The following FAM135A variants were observed in gnomAD, a reference collection of about 807,000 sequenced individuals.
FAM135A encodes the protein family with sequence similarity 135 member A, also known as protein FAM135A.
Under a neutral mutation model 146.8 loss-of-function variants are expected in FAM135A, and 79 were observed. The observed-to-expected ratio is 0.54, with a 90% CI of 0.45 to 0.65. The LOEUF (loss-of-function observed/expected upper bound fraction) is 0.65, where lower values mean the gene tolerates loss of function less well. Ranked by LOEUF, FAM135A falls within the 30% of genes least tolerant of loss-of-function variation. The pLI, the probability that FAM135A is intolerant of heterozygous loss-of-function variation, is 0.00. For synonymous variants in FAM135A, 562 were observed against 603.6 expected (o/e 0.93, Z 1.01); for missense variants, 1,623 against 1,758.2 (o/e 0.92, Z 1.38).
intron 10 of FAM135A, among the ~76,000 whole-genome samples, chr6:70,483,974 G>A (rs957537895): frequency 5.3e-5 from 8 of 152,242 alleles, no homozygotes; most frequent in Non-Finnish European, 7.4e-5. Flanking sequence ...AAGATTGAAG[G>A]GAATCAGATG....
At chr6:70,512,927 T>TTA (rs924652260) in intron 12 of FAM135A, among the ~76,000 whole-genome samples, 2 of 151,756 alleles carry the variant, frequency 1.3e-5, no homozygotes, top group African/African-American at 4.8e-5. Context: ...TTTAGGACCA[T>TTA]GGGTCATCTT....
chr6:70,529,212 A>G (rs188137979), intron 16 of FAM135A, among the ~76,000 whole-genome samples: 1 of 152,086 alleles, frequency 6.6e-6, no homozygotes, highest in Admixed American at 6.5e-5. Context: ...TAAATTATAA[A>G]TACAGGTACC....
rs144001180 is a variant in FAM135A at position 70,469,741 on chromosome 6, G to C, written c.158-5669G>C. ...ACCCCCACCCCCTGCAAAAAAAAGA[G>C]ACGAAAAAGGGGTGGCCCATGAGGT... On this transcript the variant is annotated intron_variant, in intron 5 of 21. Coordinates refer to ENST00000418814, the MANE Select transcript of FAM135A (RefSeq NM_001162529.3). Among the ~76,000 whole-genome samples the C allele has an allele frequency of 4.3e-3, 656 of 152,206 alleles. 2 individuals carry two copies. Among genetic ancestry groups the C allele is most frequent in the Non-Finnish European group, 7.9e-3 (538 of 68,008 alleles).
chr6:70,449,682 T>G (rs1425395362), intron 4 of FAM135A, among the ~76,000 whole-genome samples: 2 of 152,206 alleles, frequency 1.3e-5, no homozygotes, highest in African/African-American at 4.8e-5. Flanking sequence ...CTAAGGTTGC[T>G]TCCATTATCT....
rs978007176 is a variant in FAM135A, at chr6:70,524,054, A to G, written c.1191A>G (p.Glu397=). The change falls in exon 14 of 22, where the codon GAA becomes GAG. Residue 397 remains glutamate (E), a synonymous_variant. Transcript: ENST00000418814. ...CACCCTTACCTATTGAATGTAGTGA[A>G]TTAGATGGAGATCTCAATTCATTAC... The part of the protein sequence containing the change: ...SLPPLPIECS[E]LDGDLNSLPI... 1 of 1,612,834 alleles carries G rather than the reference A, an allele frequency of 6.2e-7. No individual in the cohort carries two copies. The highest frequency in any genetic ancestry group is 8.5e-7 in the Non-Finnish European group (1 of 1,179,420).
At chr6:70,420,064 T>G (rs1221548629) in intron 2 of FAM135A, among the ~76,000 whole-genome samples, 2 of 152,210 alleles carry the variant, frequency 1.3e-5, no homozygotes, top group African/African-American at 2.4e-5. Flanking sequence ...TTGAACCAAT[T>G]TGTTTCATGG....
chr6:70,502,853 T>G, intron 12 of FAM135A, 62 bp downstream of exon 12: 1 of 1,514,882 alleles, frequency 6.6e-7, no homozygotes. Context: ...TTAGAAAATT[T>G]TTATGAAAAC....
intron 11 of FAM135A, among the ~76,000 whole-genome samples, chr6:70,495,921 AAT>A (rs1280988000): frequency 2.0e-5 from 3 of 152,046 alleles, no homozygotes; most frequent in Non-Finnish European, 4.4e-5. Flanking sequence ...GTTTGCTGAG[AAT>A]GATGGTTTCC....
chr6:70,493,780 C>T lies in FAM135A; in HGVS notation c.873+2697C>T, dbSNP rs1010940003. On this transcript the variant is annotated intron_variant, in intron 11 of 21. Transcript: ENST00000418814. ...TAAAAATGATGTTTTTGGCCGGGTG[C>T]GGTGGCTCACGCCTGTAATCCCAGC... Among the ~76,000 whole-genome samples the T allele has an allele frequency of 1.1e-4, 16 of 152,058 alleles. No individual in the cohort carries two copies. In the East Asian group the frequency reaches 1.5e-3, roughly 15 times the overall value.
At chr6:70,518,528 A>G (rs1384470738) in intron 12 of FAM135A, among the ~76,000 whole-genome samples, 2 of 152,202 alleles carry the variant, frequency 1.3e-5, no homozygotes, top group Non-Finnish European at 2.9e-5. Context: ...GTAGAAGAAA[A>G]TGCCATCTAG....
intron 10 of FAM135A, among the ~76,000 whole-genome samples, chr6:70,490,713 A>C (rs1785703540): frequency 6.6e-6 from 1 of 152,074 alleles, no homozygotes; most frequent in South Asian, 2.1e-4. Context: ...GAAATTATAA[A>C]ATATGAAATA....
chr6:70,549,107 G>C (rs1308192346), intron 20 of FAM135A, among the ~76,000 whole-genome samples: 1 of 151,962 alleles, frequency 6.6e-6, no homozygotes, highest in African/African-American at 2.4e-5. Flanking sequence ...ACATTTATCA[G>C]AATTTTAAGA....
intron 2 of FAM135A, among the ~76,000 whole-genome samples, chr6:70,423,214 A>C (rs1769259303): frequency 6.6e-6 from 1 of 152,208 alleles, no homozygotes; most frequent in South Asian, 2.1e-4. Flanking sequence ...GAATCGTAGG[A>C]GATGAAGTCA....
chr6:70,544,133 C>T (rs1798416436), intron 20 of FAM135A, among the ~76,000 whole-genome samples: 1 of 151,912 alleles, frequency 6.6e-6, no homozygotes, highest in Non-Finnish European at 1.5e-5. Flanking sequence ...GAATAAATGA[C>T]TTAAATAAGC....
chr6:70,527,197 G>A (rs1444624375), intron 15 of FAM135A, among the ~76,000 whole-genome samples: 1 of 152,016 alleles, frequency 6.6e-6, no homozygotes, highest in Non-Finnish European at 1.5e-5. Context: ...GATGCTGATT[G>A]CCTTCAGCTA....
chr6:70,483,247 A>T (rs1218540375), intron 10 of FAM135A, among the ~76,000 whole-genome samples: 1 of 152,230 alleles, frequency 6.6e-6, no homozygotes, highest in East Asian at 1.9e-4. Context: ...TCCACTATTC[A>T]GTCAGTTCAA....
intron 10 of FAM135A, among the ~76,000 whole-genome samples, chr6:70,486,537 A>G (rs1784690975): frequency 6.6e-6 from 1 of 152,166 alleles, no homozygotes; most frequent in Non-Finnish European, 1.5e-5. Context: ...TTTCAAAACC[A>G]TGATTATTAC....
chr6:70,502,646 A>C lies in FAM135A; in HGVS notation c.884A>C (p.Asn295Thr). 2.5e-6 allele frequency: 4 copies of C among 1,609,488 alleles called. No homozygotes were observed. The highest frequency in any genetic ancestry group is 3.4e-6 in the Non-Finnish European group (4 of 1,178,402). Reference sequence around the variant, plus strand: ...TTCTTTTCATTTCAGAAAATAGAGAATCCTGATGAACTGGCAGAACTTATA... The same window carrying C: ...TTCTTTTCATTTCAGAAAATAGAGACTCCTGATGAACTGGCAGAACTTATA... ...ELCEEVKKIE[N>T]PDELAELINM... The change falls in exon 12 of 22, where the codon AAT becomes ACT. Residue 295 changes from asparagine to threonine, a missense_variant. By Grantham distance (65) the Asn-to-Thr change is moderately conservative (BLOSUM62 0). Coordinates refer to ENST00000418814, the MANE Select transcript of FAM135A (RefSeq NM_001162529.3).
intron 15 of FAM135A, 66 bp downstream of exon 15, chr6:70,526,764 C>CAG: frequency 5.0e-6 from 3 of 594,094 alleles, no homozygotes. Context: ...CACACACACA[C>CAG]ATACACACAC....
Sources: gnomAD v4.1 joint callset for allele counts (sites outside exome capture counted in the v4.1 genomes callset) on GRCh38, gnomAD v4.1.1 for gene constraint, MANE v1.5 for transcripts, NCBI Gene and HGNC (gene_info 2026-07-23, HGNC 2026-07-21) for gene names.